GPHN: variants seen among roughly 807,000 people sequenced by gnomAD.
GPHN encodes the protein gephyrin.
A neutral mutation model predicts 95.5 loss-of-function variants in GPHN; 17 were observed. The ratio of observed to expected loss-of-function variants is 0.18; its 90% CI spans 0.12 to 0.27. GPHN has a LOEUF of 0.27. Among genes scored for constraint, GPHN ranks in the 10% least tolerant of loss-of-function variants. The probability of loss-of-function intolerance (pLI) is 1.00; values close to 1 mark genes in which losing one functional copy is unlikely to be tolerated. For missense variants in GPHN, 660 were observed against 978.1 expected (o/e 0.67, Z 4.34); for synonymous variants, 320 against 322.5 (o/e 0.99, Z 0.08).
At chr14:67,361,251 A>T in the GPHN span, among the ~76,000 whole-genome samples, 1 of 152,246 alleles carries the variant, frequency 6.6e-6, no homozygotes, top group African/African-American at 2.4e-5. Context: ...GAGAAAAAGT[A>T]TAGCAGAGAA....
rs2083322239 is a variant in GPHN at position 67,181,620 on chromosome 14, A to T, written c.*683A>T. ...GACAGCCTTTTTAACCAATACATTT[A>T]AAATTGTACAGAACAAAAAAATAAA... On this transcript the variant is annotated 3_prime_UTR_variant, in exon 23 of 23. Coordinates refer to ENST00000478722, the MANE Select transcript of GPHN (RefSeq NM_020806.5). 2.7e-6 allele frequency: 1 copy of T among 364,924 alleles called. No homozygotes were observed. The highest frequency in any genetic ancestry group is 4.1e-5 in the Admixed American group (1 of 24,464). 22.6% of individuals were successfully genotyped at this position (364,924 alleles called of 1,614,324 possible).
chr14:66,890,952 T>TA (rs2064462904), intron 5 of GPHN, among the ~76,000 whole-genome samples: 2 of 152,100 alleles, frequency 1.3e-5, no homozygotes, highest in South Asian at 4.1e-4. Context: ...AGGCCTTATG[T>TA]AAAAAACCCA....
At chr14:66,848,102 T>G (rs1046173195) in intron 4 of GPHN, among the ~76,000 whole-genome samples, 1 of 152,214 alleles carries the variant, frequency 6.6e-6, no homozygotes, top group East Asian at 1.9e-4. Flanking sequence ...ACCACCAGAC[T>G]TTTTGTATTT....
At chr14:67,022,541 C>CTTTTT (rs1214143019) in intron 9 of GPHN, among the ~76,000 whole-genome samples, 1 of 18,900 alleles carries the variant, frequency 5.3e-5, no homozygotes, top group Non-Finnish European at 1.1e-4. Context: ...ATTATTTTTC[C>CTTTTT]TTTTTTTTTT....
At chr14:66,808,410 T>G (rs1023351583) in intron 3 of GPHN, among the ~76,000 whole-genome samples, 1 of 152,252 alleles carries the variant, frequency 6.6e-6, no homozygotes, top group East Asian at 1.9e-4. Context: ...CTTTCAGTTA[T>G]AGTAAATATT....
the GPHN span, among the ~76,000 whole-genome samples, chr14:67,409,010 T>A: frequency 8.8e-3 from 1,307 of 149,098 alleles, 12 homozygotes; most frequent in Non-Finnish European, 0.015. Flanking sequence ...AGCCCAGGAG[T>A]TCAAGACCAG....
intron 1 of GPHN, among the ~76,000 whole-genome samples, chr14:66,645,880 A>T (rs1595385063): frequency 6.6e-6 from 1 of 151,954 alleles, no homozygotes; most frequent in Admixed American, 6.6e-5. Context: ...GGGCCTGATG[A>T]CCAGAGGTTA....
intron 8 of GPHN, among the ~76,000 whole-genome samples, chr14:66,936,224 C>T (rs2067127052): frequency 1.3e-5 from 2 of 151,766 alleles, no homozygotes; most frequent in Non-Finnish European, 2.9e-5. Flanking sequence ...ACTAAAAGTA[C>T]AAAAATTAGC....
chr14:67,198,352 C>A, the GPHN span: 2 of 1,572,146 alleles, frequency 1.3e-6, no homozygotes, highest in Non-Finnish European at 8.7e-7. Flanking sequence ...AGTTAAGTTC[C>A]AATAACTTCA....
At chr14:66,651,725 A>G (rs1247146317) in intron 1 of GPHN, among the ~76,000 whole-genome samples, 1 of 152,136 alleles carries the variant, frequency 6.6e-6, no homozygotes, top group Non-Finnish European at 1.5e-5. Flanking sequence ...TCCATTGCCA[A>G]CATCCTGTCT....
chr14:67,144,271 A>ATATATATATATG (rs2080750451), intron 18 of GPHN, among the ~76,000 whole-genome samples: 38 of 125,796 alleles, frequency 3.0e-4, no homozygotes, highest in Admixed American at 5.3e-4. Flanking sequence ...ATATATATAT[A>ATATATATATATG]TATATATATA....
At chr14:66,745,887 C>T (rs547697659) in intron 2 of GPHN, among the ~76,000 whole-genome samples, 182 of 152,102 alleles carry the variant, frequency 1.2e-3, no homozygotes, top group African/African-American at 4.0e-3. Flanking sequence ...CTGCCTATCA[C>T]AGATCTGTTT....
At chr14:67,522,979 T>C in the GPHN span, among the ~76,000 whole-genome samples, 1 of 152,192 alleles carries the variant, frequency 6.6e-6, no homozygotes, top group Non-Finnish European at 1.5e-5. Context: ...GTGTATTGAG[T>C]GTCTTCTCTT....
At chr14:67,630,998 T>A in the GPHN span, among the ~76,000 whole-genome samples, 2 of 152,156 alleles carry the variant, frequency 1.3e-5, no homozygotes, top group African/African-American at 2.4e-5. Context: ...GGCAGTGCCC[T>A]CTCCCTATGC....
At chr14:66,829,260 A>G (rs1039923595) in intron 4 of GPHN, among the ~76,000 whole-genome samples, 1 of 151,420 alleles carries the variant, frequency 6.6e-6, no homozygotes, top group African/African-American at 2.4e-5. Context: ...GCTAATTTTT[A>G]TATTTTTAGT....
chr14:66,863,531 A>G (rs866641891), intron 4 of GPHN, among the ~76,000 whole-genome samples: 3 of 152,168 alleles, frequency 2.0e-5, no homozygotes, highest in Admixed American at 6.5e-5. Context: ...AGCAAAAAGA[A>G]CAAAACTGGA....
intron 2 of GPHN, among the ~76,000 whole-genome samples, chr14:66,765,260 A>G (rs954082046): frequency 6.6e-6 from 1 of 152,216 alleles, no homozygotes; most frequent in East Asian, 1.9e-4. Context: ...CAGTGTGGCA[A>G]TATTTGAAAG....
intron 1 of GPHN, among the ~76,000 whole-genome samples, chr14:66,678,515 T>C (rs1395233177): frequency 6.6e-6 from 1 of 151,956 alleles, no homozygotes; most frequent in Non-Finnish European, 1.5e-5. Context: ...ATTTTCTATC[T>C]GTGTTCTTTT....
the GPHN span, among the ~76,000 whole-genome samples, chr14:67,661,918 A>G: frequency 6.6e-6 from 1 of 152,038 alleles, no homozygotes; most frequent in African/African-American, 2.4e-5. Context: ...GTACTTTGGG[A>G]GGCCGAGGCG....
Sources: allele counts gnomAD v4.1 joint callset (sites outside exome capture counted in the v4.1 genomes callset), GRCh38; gene constraint gnomAD v4.1.1; transcripts MANE v1.5; gene names NCBI Gene and HGNC (gene_info 2026-07-23, HGNC 2026-07-21).